Variants in ZFHX3 observed in about 807,000 individuals in gnomAD.
ZFHX3 encodes zinc finger homeobox protein 3.
Under a neutral mutation model 279.1 loss-of-function variants are expected in ZFHX3, and 42 were observed. The ratio of observed to expected loss-of-function variants is 0.15; its 90% confidence interval spans 0.12 to 0.19. The LOEUF is 0.19. ZFHX3 is among the 10% of genes least tolerant of loss of function. The pLI, the probability that ZFHX3 is intolerant of heterozygous loss-of-function variation, is 1.00. For missense variants in ZFHX3, 4,981 were observed against 4,754.0 expected (o/e 1.05, Z -1.40); for synonymous variants, 2,293 against 1,957.8 (o/e 1.17, Z -4.52).
At chr16:72,981,877 CTT>C (rs34508059) in intron 1 of ZFHX3, among the ~76,000 whole-genome samples, 65,453 of 129,846 alleles carry the variant, frequency 0.5, 16,472 homozygotes, top group South Asian at 0.58. Context: ...ACACATTTTC[CTT>C]TTTTTTTTTT....
At chr16:73,707,225 G>A (rs913496574) in intron 1 of ZFHX3, among the ~76,000 whole-genome samples, 2 of 152,230 alleles carry the variant, frequency 1.3e-5, no homozygotes, top group Admixed American at 6.5e-5. Context: ...TCCAGCCAGG[G>A]TAACCCCTTT....
chr16:73,779,757 C>T (rs889135333), intron 1 of ZFHX3, among the ~76,000 whole-genome samples: 19 of 152,220 alleles, frequency 1.2e-4, no homozygotes, highest in Non-Finnish European at 2.2e-4. Flanking sequence ...CTCGTTCTGT[C>T]GTCAGGTTGG....
chr16:73,589,115 C>G (rs2051961041), intron 2 of ZFHX3, among the ~76,000 whole-genome samples: 1 of 151,122 alleles, frequency 6.6e-6, no homozygotes, highest in Non-Finnish European at 1.5e-5. Context: ...AAAAAATTAC[C>G]TGGGTGTGGT....
intron 1 of ZFHX3, among the ~76,000 whole-genome samples, chr16:73,019,369 C>CGT (rs970890958): frequency 7.9e-6 from 1 of 127,006 alleles, no homozygotes; most frequent in Non-Finnish European, 1.8e-5. Context: ...TGTGTGTGTG[C>CGT]GTGTGCGTGT....
At chr16:73,754,433 A>G (rs2053788701) in intron 1 of ZFHX3, among the ~76,000 whole-genome samples, 2 of 152,090 alleles carry the variant, frequency 1.3e-5, no homozygotes, top group Non-Finnish European at 2.9e-5. Context: ...GCCACAGACC[A>G]CTAGTGCTGA....
chr16:73,767,717 T>G (rs1313992727), intron 1 of ZFHX3, among the ~76,000 whole-genome samples: 1 of 152,180 alleles, frequency 6.6e-6, no homozygotes, highest in Non-Finnish European at 1.5e-5. Flanking sequence ...CAAATTCACC[T>G]AGAGGTACTG....
chr16:73,759,801 G>A (rs529342770), intron 1 of ZFHX3, among the ~76,000 whole-genome samples: 2 of 152,024 alleles, frequency 1.3e-5, no homozygotes, highest in East Asian at 3.9e-4. Context: ...AATATCAAAG[G>A]GAGAACGAGT....
chr16:72,870,015 G>A (rs764996989), intron 4 of ZFHX3, among the ~76,000 whole-genome samples: 18 of 152,112 alleles, frequency 1.2e-4, no homozygotes, highest in Non-Finnish European at 2.2e-4. Context: ...AGCATCACAT[G>A]AACCCAGTTG....
Position 73,168,211 on chromosome 16 carries a change from T to TTTTCTTTG in ZFHX3, c.-1103-24381_-1103-24380insCAAAGAAA, listed in dbSNP as rs1555502324. On this transcript the variant is annotated intron_variant, in intron 5 of 17. Transcript: ENST00000641206. ...CCTTTTAACACTATAGTTTCTTTTG[T>TTTTCTTTG]TTTCTTTCTTTCTTTCTTTCTTTCT... Among the ~76,000 whole-genome samples the TTTTCTTTG allele has an allele frequency of 1.2e-4, 11 of 95,312 alleles. No homozygotes were observed. The Admixed American group carries it at 1.2e-3, about 10-fold the overall frequency. The allele number at this position is 95,312 out of a possible 152,430, so 62.5% of individuals were successfully genotyped here.
intron 3 of ZFHX3, among the ~76,000 whole-genome samples, chr16:72,914,713 TG>T (rs2039398451): frequency 6.6e-6 from 1 of 152,142 alleles, no homozygotes; most frequent in Non-Finnish European, 1.5e-5. Context: ...TAGGCTAGGC[TG>T]GGTGCGGTGG....
intron 1 of ZFHX3, among the ~76,000 whole-genome samples, chr16:73,739,128 AT>A (rs2142257731): frequency 6.6e-6 from 1 of 152,240 alleles, no homozygotes; most frequent in South Asian, 2.1e-4. Context: ...AGCCTCTCCA[AT>A]GCCTAGACAA....
rs891417170 is a variant in ZFHX3, at chr16:72,785,327, A to G, written c.*1837T>C. 6.6e-6 allele frequency: 1 copy of G among 152,630 alleles called. No homozygotes were observed. Among genetic ancestry groups the G allele is most frequent in the Non-Finnish European group, 1.5e-5 (1 of 68,038 alleles). 9.5% of individuals were successfully genotyped at this position (152,630 alleles called of 1,614,324 possible). A position where few individuals can be genotyped will look rare whatever the true frequency, so the allele number is the denominator to read the frequency against. On this transcript the variant is annotated 3_prime_UTR_variant, in exon 10 of 10. Coordinates refer to ENST00000268489, the MANE Select transcript of ZFHX3 (RefSeq NM_006885.4). ...ATACAGTTCCTTTTTTGCTTTCTGT[A>G]CACTGCTATCTGCTGCTTTGTTGGC...
chr16:73,263,858 A>T (rs1181335849), intron 4 of ZFHX3, among the ~76,000 whole-genome samples: 2 of 152,200 alleles, frequency 1.3e-5, no homozygotes, highest in Non-Finnish European at 2.9e-5. Flanking sequence ...CAGGGAAAGA[A>T]CATCCTATAA....
chr16:73,245,009 T>C (rs73601369), intron 5 of ZFHX3, among the ~76,000 whole-genome samples: 26,675 of 152,168 alleles, frequency 0.18, 3,899 homozygotes, highest in East Asian at 0.46. Flanking sequence ...CAGCTCTATA[T>C]AGCTTTGACC....
At chr16:73,807,869 G>C (rs140807545) in intron 1 of ZFHX3, among the ~76,000 whole-genome samples, 1 of 151,844 alleles carries the variant, frequency 6.6e-6, no homozygotes, top group Non-Finnish European at 1.5e-5. Context: ...GACGGGCATC[G>C]TACCAGGCCC....
intron 3 of ZFHX3, among the ~76,000 whole-genome samples, chr16:73,454,295 A>C (rs2018333282): frequency 6.6e-6 from 1 of 152,156 alleles, no homozygotes; most frequent in South Asian, 2.1e-4. Flanking sequence ...TAGAGAGAAA[A>C]TCCAGACAGA....
In ZFHX3 at chr16:73,198,268, G is replaced by A. The variant is rs186914612; in HGVS notation, c.-1103-54437C>T. Among the ~76,000 whole-genome samples the A allele has an allele frequency of 9.6e-3, 1,445 of 151,040 alleles. 28 individuals carry two copies. Among genetic ancestry groups the A allele is most frequent in the Admixed American group, 0.033 (505 of 15,168 alleles). On this transcript the variant is annotated intron_variant, in intron 5 of 17. Transcript: ENST00000641206. ...TTGGTGTTTGAAGAATCATGTCACC[G>A]TTATCACAAAGACTGTAAGTCTTTT...
rs553846782 is a variant in ZFHX3 at position 73,860,779 on chromosome 16, A to G, written c.-1608+30872T>C. Among the ~76,000 whole-genome samples the G allele has an allele frequency of 1.6e-4, 24 of 152,212 alleles. 1 individual carries two copies. The highest frequency in any genetic ancestry group is 1.8e-4 in the Non-Finnish European group (12 of 68,016). ...GAACTCTGCTTGTCATTCCTTTGGA[A>G]GTGATTAAAGACATTAGCCCAGCTT... On this transcript the variant is annotated intron_variant, in intron 1 of 17. Transcript: ENST00000641206.
intron 1 of ZFHX3, among the ~76,000 whole-genome samples, chr16:73,803,612 T>C (rs1960195733): frequency 6.6e-6 from 1 of 152,222 alleles, no homozygotes; most frequent in Non-Finnish European, 1.5e-5. Context: ...AATGTTATGT[T>C]TGAAAAATCT....
Sources: allele counts gnomAD v4.1 joint callset (sites outside exome capture counted in the v4.1 genomes callset), GRCh38; gene constraint gnomAD v4.1.1; transcripts MANE v1.5; gene names NCBI Gene and HGNC (gene_info 2026-07-23, HGNC 2026-07-21).